The following BBS9 variants were observed in gnomAD, a reference collection of about 807,000 sequenced individuals.
The protein encoded by BBS9 is protein PTHB1.
Under a neutral mutation model 117.7 loss-of-function variants are expected in BBS9, and 89 were observed. The ratio of observed to expected loss-of-function variants is 0.76; its 90% CI spans 0.64 to 0.90. The LOEUF is 0.90. Among genes scored for constraint, BBS9 ranks in the 40% least tolerant of loss-of-function variants. The pLI is 0.00. For missense variants in BBS9, 982 were observed against 1,042.2 expected, an observed-to-expected ratio of 0.94 and a Z score of 0.80; for synonymous variants, 379 against 370.9, an observed-to-expected ratio of 1.02 and a Z score of -0.25.
intron 21 of BBS9, among the ~76,000 whole-genome samples, chr7:33,577,244 T>C (rs911994182): frequency 6.6e-6 from 1 of 152,092 alleles, no homozygotes; most frequent in East Asian, 1.9e-4. Context: ...GGGCAAAGGA[T>C]ATGAACAGAC....
rs1562672837 is a variant in BBS9 at position 33,146,383 on chromosome 7, TAC to T, written c.112+21_112+22del. On this transcript the variant is annotated intron_variant, in intron 2 of 22. Coordinates refer to ENST00000242067, the MANE Select transcript of BBS9 (RefSeq NM_198428.3). Reference sequence around the variant, plus strand: ...GGACAAGGTAAGCAACTTACAACCATACATCTTGGATGAAAGTTTTAAAGAGA... The same window carrying T: ...GGACAAGGTAAGCAACTTACAACCATATCTTGGATGAAAGTTTTAAAGAGA... The T allele has an allele frequency of 6.4e-7, 1 of 1,567,296 alleles. No homozygotes were observed.
At chr7:33,504,880 G>A (rs1845931511) in intron 19 of BBS9, among the ~76,000 whole-genome samples, 1 of 150,928 alleles carries the variant, frequency 6.6e-6, no homozygotes, top group Admixed American at 6.6e-5. Context: ...GGTCCCTGTG[G>A]GCTGGTGCCT....
intron 9 of BBS9, among the ~76,000 whole-genome samples, chr7:33,328,492 A>AG (rs1327100224): frequency 6.6e-6 from 1 of 152,198 alleles, no homozygotes; most frequent in African/African-American, 2.4e-5. Context: ...GGACTGAGGA[A>AG]GAGCTGTGTG....
At position 33,465,860 on chromosome 7, in the gene BBS9, C is replaced by T. The variant is rs189905244; in HGVS notation, c.2116-39603C>T. ...TGCTGACAGTTAACTGGACTATTAA[C>T]TTGAAAAAATACCCTTTCTAGCAAT... On this transcript the variant is annotated intron_variant, in intron 19 of 22. Transcript: ENST00000242067. 2.6e-5 allele frequency among the ~76,000 whole-genome samples: 4 copies of T among 152,144 alleles called. No individual in the cohort carries two copies. The East Asian group carries it at 7.7e-4, about 29-fold the overall frequency.
chr7:33,432,136 G>A (rs1834579204), intron 19 of BBS9, among the ~76,000 whole-genome samples: 1 of 149,564 alleles, frequency 6.7e-6, no homozygotes, highest in South Asian at 2.1e-4. Flanking sequence ...ACAGGCTGGA[G>A]TGCAGTGGTG....
chr7:33,361,227 T>C (rs1261280679), intron 16 of BBS9, among the ~76,000 whole-genome samples: 1 of 152,230 alleles, frequency 6.6e-6, no homozygotes, highest in Non-Finnish European at 1.5e-5. Flanking sequence ...TGACCATCAA[T>C]GTATGTCACA....
intron 19 of BBS9, among the ~76,000 whole-genome samples, chr7:33,395,626 A>G (rs901728851): frequency 6.6e-6 from 1 of 152,110 alleles, no homozygotes; most frequent in Non-Finnish European, 1.5e-5. Flanking sequence ...TCTACAAAAG[A>G]GGCTGTATTA....
chr7:33,231,229 C>G (rs1187299561), intron 5 of BBS9, among the ~76,000 whole-genome samples: 3 of 151,962 alleles, frequency 2.0e-5, no homozygotes, highest in Admixed American at 2.0e-4. Context: ...GCCATGAACT[C>G]CTGAGGTCAT....
intron 21 of BBS9, among the ~76,000 whole-genome samples, chr7:33,625,807 A>AC (rs1865611045): frequency 6.6e-6 from 1 of 152,220 alleles, no homozygotes; most frequent in Non-Finnish European, 1.5e-5. Flanking sequence ...ACAGTTAAGG[A>AC]TTAGCAGTTG....
rs377149733 is a variant in BBS9, at chr7:33,349,117, A to G, written c.1379A>G (p.Tyr460Cys). ...TTGCAAAAAGCCAAATTATCAGTCTACGTGCAACCACCATTAGAATTGACT... is the reference window on the plus strand; with the variant it reads ...TTGCAAAAAGCCAAATTATCAGTCTGCGTGCAACCACCATTAGAATTGACT... The part of the protein sequence containing the change: ...VILQKAKLSV[Y>C]VQPPLELTCD... The change falls in exon 13 of 23, where the codon TAC (tyrosine) becomes TGC (cysteine). Residue 460 changes from tyrosine (Y) to cysteine (C), a missense_variant. Tyr to Cys is a radical substitution (Grantham distance 194, BLOSUM62 -2). Coordinates refer to ENST00000242067, the MANE Select transcript of BBS9 (RefSeq NM_198428.3). The G allele has an allele frequency of 1.9e-6, 3 of 1,613,542 alleles. No homozygotes were observed. The highest frequency in any genetic ancestry group is 2.5e-6 in the Non-Finnish European group (3 of 1,179,612).
intron 9 of BBS9, among the ~76,000 whole-genome samples, chr7:33,298,131 A>AT (rs1011537899): frequency 3.3e-5 from 5 of 151,724 alleles, no homozygotes; most frequent in South Asian, 2.1e-4. Flanking sequence ...GAATATTTTC[A>AT]TTTTTTTTCA....
intron 2 of BBS9, 151 bp from the exon 3 acceptor site, chr7:33,152,550 C>A (rs1467062986): frequency 2.9e-6 from 2 of 691,496 alleles, no homozygotes; most frequent in South Asian, 1.9e-5. Flanking sequence ...TTTAATTACA[C>A]CTTTTTTGAC....
At chr7:33,587,965 C>G (rs1216034515) in intron 21 of BBS9, among the ~76,000 whole-genome samples, 1 of 152,030 alleles carries the variant, frequency 6.6e-6, no homozygotes, top group Non-Finnish European at 1.5e-5. Context: ...GTGGATATAA[C>G]ATGGATCCTT....
chr7:33,540,443 C>T, intron 21 of BBS9, among the ~76,000 whole-genome samples: 1 of 152,126 alleles, frequency 6.6e-6, no homozygotes, highest in Non-Finnish European at 1.5e-5. Flanking sequence ...AAAATTGGGT[C>T]CAGAAGAATA....
At chr7:33,620,370 TC>T (rs889170135) in intron 21 of BBS9, among the ~76,000 whole-genome samples, 7 of 152,000 alleles carry the variant, frequency 4.6e-5, no homozygotes, top group African/African-American at 1.7e-4. Context: ...CCCTTAAGAC[TC>T]CTTTTAAAAA....
At chr7:33,607,504 A>G (rs1289632614), downstream of BBS9, among the ~76,000 whole-genome samples, 1 of 152,136 alleles carries the variant, frequency 6.6e-6, no homozygotes, top group Non-Finnish European at 1.5e-5. Context: ...AGAATAAGAA[A>G]AGAATAACAA....
chr7:33,330,806 T>A (rs567367891), intron 9 of BBS9, among the ~76,000 whole-genome samples: 1 of 152,314 alleles, frequency 6.6e-6, no homozygotes, highest in East Asian at 1.9e-4. Context: ...TCTAGTGACT[T>A]AGCTCAGTCG....
intron 5 of BBS9, among the ~76,000 whole-genome samples, chr7:33,180,913 CTG>C (rs1798008913): frequency 6.6e-6 from 1 of 152,164 alleles, no homozygotes; most frequent in African/African-American, 2.4e-5. Flanking sequence ...CCAGGTAACT[CTG>C]TGCACAGAGC....
chr7:33,627,504 C>T (rs766720708), intron 21 of BBS9, among the ~76,000 whole-genome samples: 2 of 152,180 alleles, frequency 1.3e-5, no homozygotes, highest in Non-Finnish European at 2.9e-5. Context: ...ATCCTCCAGA[C>T]CCCAGAATGG....
Sources: gnomAD v4.1 joint callset for allele counts (sites outside exome capture counted in the v4.1 genomes callset) on GRCh38, gnomAD v4.1.1 for gene constraint, MANE v1.5 for transcripts, NCBI Gene and HGNC (gene_info 2026-07-23, HGNC 2026-07-21) for gene names.